Variants in OPCML observed in about 807,000 individuals in gnomAD.
The protein encoded by OPCML is opioid-binding protein/cell adhesion molecule.
Under a neutral mutation model 37.8 loss-of-function variants are expected in OPCML, and 13 were observed. The observed-to-expected ratio is 0.34, with a 90% confidence interval of 0.22 to 0.55. The LOEUF (loss-of-function observed/expected upper bound fraction) is 0.55. Ranked by LOEUF, OPCML falls within the 20% of genes least tolerant of loss-of-function variation. The pLI, the probability that OPCML is intolerant of heterozygous loss-of-function variation, is 0.91. For missense variants in OPCML, 341 were observed against 435.6 expected, an observed-to-expected ratio of 0.78 and a Z score of 1.93; for synonymous variants, 176 against 168.8, an observed-to-expected ratio of 1.04 and a Z score of -0.33.
rs555136271 is a variant in OPCML at position 133,174,325 on chromosome 11, G to C, written c.62-231315C>G. On this transcript the variant is annotated intron_variant, in intron 1 of 7. Transcript: ENST00000524381. This position sits in a 1 kb window ranked among gnomAD's most constrained non-coding sequence, Gnocchi z 4.6. ...AGGACAGGGGCCTCGCATGAACCTA[G>C]GTTCCAGGTCAGATGAAATGGCCAT... Among the ~76,000 whole-genome samples, 17 of 152,242 alleles carry C rather than the reference G, an allele frequency of 1.1e-4. No homozygotes were observed. The highest frequency in any genetic ancestry group is 3.8e-4 in the African/African-American group (16 of 41,562).
At chr11:133,086,627 T>C (rs974510115) in intron 1 of OPCML, among the ~76,000 whole-genome samples, 1 of 152,214 alleles carries the variant, frequency 6.6e-6, no homozygotes, top group Non-Finnish European at 1.5e-5. Flanking sequence ...GTGTAATGAC[T>C]GCACAATCAA....
At chr11:132,435,175 G>C in intron 7 of OPCML, 1 of 1,289,682 alleles carries the variant, frequency 7.8e-7, no homozygotes, top group Non-Finnish European at 1.0e-6. Context: ...CTGCTGATGA[G>C]GGGCTTATTT....
chr11:133,423,128 C>G, intron 1 of OPCML: 1 of 985,434 alleles, frequency 1.0e-6, no homozygotes, highest in Non-Finnish European at 1.2e-6. Context: ...CTTTCAGGAT[C>G]TTATAACCAT....
intron 1 of OPCML, among the ~76,000 whole-genome samples, chr11:133,306,552 T>C (rs1942924781): frequency 6.6e-6 from 1 of 151,828 alleles, no homozygotes; most frequent in South Asian, 2.1e-4. Context: ...AGTATATATG[T>C]GTGAGATGTA....
At chr11:132,652,593 T>G (rs1010194516) in intron 3 of OPCML, among the ~76,000 whole-genome samples, 11 of 152,284 alleles carry the variant, frequency 7.2e-5, no homozygotes, top group Non-Finnish European at 1.3e-4. Context: ...AATTTGTAAA[T>G]GGAGATAACG....
intron 1 of OPCML, among the ~76,000 whole-genome samples, chr11:133,414,338 A>G (rs1370781661): frequency 6.6e-6 from 1 of 152,082 alleles, no homozygotes; most frequent in Non-Finnish European, 1.5e-5. Flanking sequence ...TTTTTGAATT[A>G]TGCCCCAGGT....
intron 7 of OPCML, among the ~76,000 whole-genome samples, chr11:132,422,409 G>T (rs1197000644): frequency 6.6e-6 from 1 of 152,160 alleles, no homozygotes; most frequent in Non-Finnish European, 1.5e-5. Flanking sequence ...TGTTTCTGGT[G>T]GTGAGCAGCA....
chr11:133,004,246 T>C, intron 1 of OPCML: 1 of 985,470 alleles, frequency 1.0e-6, no homozygotes, highest in Non-Finnish European at 1.2e-6. Context: ...CCTGGGGACG[T>C]AACTGCCTCC....
At chr11:132,725,569 T>C (rs1334751752) in intron 2 of OPCML, among the ~76,000 whole-genome samples, 1 of 152,146 alleles carries the variant, frequency 6.6e-6, no homozygotes, top group Non-Finnish European at 1.5e-5. Flanking sequence ...GGCTTGAATT[T>C]CTCCTCAGAA....
chr11:132,701,183 G>A (rs541323738), intron 2 of OPCML, among the ~76,000 whole-genome samples: 1 of 152,216 alleles, frequency 6.6e-6, no homozygotes, highest in Non-Finnish European at 1.5e-5. Flanking sequence ...CAAAGGAGAA[G>A]CAAAGGCACA....
chr11:133,291,738 G>A (rs1020256862), intron 1 of OPCML, among the ~76,000 whole-genome samples: 5 of 152,182 alleles, frequency 3.3e-5, no homozygotes, highest in Admixed American at 1.3e-4. Context: ...CTGGGCATCT[G>A]AGCACAAATT....
At chr11:133,038,019 T>C (rs913472848) in intron 1 of OPCML, among the ~76,000 whole-genome samples, 1 of 152,226 alleles carries the variant, frequency 6.6e-6, no homozygotes, top group Admixed American at 6.5e-5. Flanking sequence ...GTGCAATCAC[T>C]CTACTTGTTA....
chr11:133,080,986 G>GC (rs1948707831), intron 1 of OPCML, among the ~76,000 whole-genome samples: 1 of 152,076 alleles, frequency 6.6e-6, no homozygotes, highest in African/African-American at 2.4e-5. Context: ...GGGGCTTACC[G>GC]CCAGGCCTTA....
intron 1 of OPCML, among the ~76,000 whole-genome samples, chr11:132,954,745 C>G (rs570762520): frequency 6.6e-6 from 1 of 152,216 alleles, no homozygotes; most frequent in East Asian, 1.9e-4. Context: ...AATGAAGTCA[C>G]TGAGCAAGAG....
At chr11:132,978,547 C>G (rs909515055) in intron 1 of OPCML, among the ~76,000 whole-genome samples, 26 of 152,124 alleles carry the variant, frequency 1.7e-4, no homozygotes, top group African/African-American at 5.3e-4. Flanking sequence ...ATGTGAATGG[C>G]TACCCCGGGG....
chr11:132,697,304 A>C, intron 2 of OPCML, among the ~76,000 whole-genome samples: 1 of 152,132 alleles, frequency 6.6e-6, no homozygotes, highest in East Asian at 1.9e-4. Context: ...CATTTAAGAG[A>C]TCTTCTAGCA....
chr11:132,880,435 C>T (rs1943185991), intron 2 of OPCML, among the ~76,000 whole-genome samples: 1 of 152,066 alleles, frequency 6.6e-6, no homozygotes, highest in South Asian at 2.1e-4. Flanking sequence ...CAAAGATACT[C>T]AGGGCTCAAA....
At chr11:133,346,215 T>C (rs1943998043) in intron 1 of OPCML, among the ~76,000 whole-genome samples, 1 of 152,174 alleles carries the variant, frequency 6.6e-6, no homozygotes, top group African/African-American at 2.4e-5. Flanking sequence ...ACGTTACCAT[T>C]GTCCTGGGCA....
At chr11:133,292,237 T>C (rs1235160230) in intron 1 of OPCML, among the ~76,000 whole-genome samples, 1 of 151,948 alleles carries the variant, frequency 6.6e-6, no homozygotes, top group Non-Finnish European at 1.5e-5. Flanking sequence ...AAAAGAGAGA[T>C]CTCTTTTCTC....
Sources: allele counts gnomAD v4.1 joint callset (sites outside exome capture counted in the v4.1 genomes callset), GRCh38; gene constraint gnomAD v4.1.1; non-coding constraint Gnocchi (gnomAD v3.1); transcripts MANE v1.5; gene names NCBI Gene and HGNC (gene_info 2026-07-23, HGNC 2026-07-21).